MRTFB: variants seen among roughly 807,000 people sequenced by gnomAD.
The protein encoded by MRTFB is myocardin related transcription factor B, also known as myocardin-related transcription factor B.
MRTFB carries 29 observed loss-of-function variants against 104.2 expected under a neutral mutation model. The observed-to-expected ratio is 0.28, with a 90% CI of 0.21 to 0.38. The LOEUF is 0.38. Ranked by LOEUF, MRTFB falls within the 10% of genes least tolerant of loss-of-function variation. MRTFB has a pLI of 1.00. For missense variants in MRTFB, 1,270 were observed against 1,341.6 expected (o/e 0.95, Z 0.83); for synonymous variants, 535 against 519.5 (o/e 1.03, Z -0.41).
chr16:14,250,735 T>C (rs1784061657), intron 13 of MRTFB, among the ~76,000 whole-genome samples: 2 of 152,148 alleles, frequency 1.3e-5, no homozygotes, highest in Non-Finnish European at 2.9e-5. Context: ...AGGGGGTCTA[T>C]GCCGCAAGGC....
intron 2 of MRTFB, among the ~76,000 whole-genome samples, chr16:14,083,969 A>G (rs990246879): frequency 2.6e-5 from 4 of 152,200 alleles, no homozygotes; most frequent in African/African-American, 9.7e-5. Flanking sequence ...TAGGTTTTCA[A>G]AGACCTCCAA....
chr16:14,090,169 GT>G (rs1218736594), intron 2 of MRTFB, among the ~76,000 whole-genome samples: 1 of 151,966 alleles, frequency 6.6e-6, no homozygotes, highest in African/African-American at 2.4e-5. Context: ...TTTCCAATTT[GT>G]TTTGGTTGCT....
intron 13 of MRTFB, among the ~76,000 whole-genome samples, chr16:14,249,306 G>A (rs538903255): frequency 4.6e-5 from 7 of 152,280 alleles, no homozygotes; most frequent in South Asian, 2.1e-4. Flanking sequence ...GCTCGCCTTC[G>A]CAGTTAACCC....
rs1407549873 is a variant in MRTFB at position 14,246,664 on chromosome 16, A to C, written c.1404A>C (p.Thr468=). 1.2e-6 allele frequency: 2 copies of C among 1,614,082 alleles called. No homozygotes were observed. The highest frequency in any genetic ancestry group is 2.7e-5 in the African/African-American group (2 of 74,924). ...NPEVTVALPV[T]TLHNTVTSSV... is the part of the protein sequence containing the mutation. The stretch of plus-strand genomic sequence containing the variant: ...AAGTCACTGTGGCCTTGCCGGTTAC[A>C]ACACTACACAACACTGTGACTAGCT... The change falls in exon 12 of 17, where the codon ACA becomes ACC. Residue 468 remains threonine, a synonymous_variant. Coordinates refer to ENST00000571589, the MANE Select transcript of MRTFB (RefSeq NM_001308142.2).
chr16:14,251,376 C>CAAA lies in MRTFB; in HGVS notation c.2404-465_2404-463dup, dbSNP rs776143724. On this transcript the variant is annotated intron_variant, in intron 13 of 16. Transcript: ENST00000571589. ...TGGGTGACACAGCAAGACTCCGTCT[C>CAAA]AAAAAAAAAAAAAAAAAAAAAAAGA... Among the ~76,000 whole-genome samples the CAAA allele has an allele frequency of 1.7e-3, 77 of 44,566 alleles. 2 individuals carry two copies. Among genetic ancestry groups the CAAA allele is most frequent in the African/African-American group, 3.9e-3 (51 of 13,040 alleles). 29.2% of individuals were successfully genotyped at this position (44,566 alleles called of 152,430 possible). A position where few individuals can be genotyped will look rare whatever the true frequency, so the allele number is the denominator to read the frequency against.
At chr16:14,090,271 A>G (rs1440227534) in intron 2 of MRTFB, among the ~76,000 whole-genome samples, 7 of 152,244 alleles carry the variant, frequency 4.6e-5, no homozygotes, top group East Asian at 3.8e-4. Context: ...TAACTATACA[A>G]TGAGTAAGAG....
intron 2 of MRTFB, among the ~76,000 whole-genome samples, chr16:14,117,980 C>A (rs2036628955): frequency 6.6e-6 from 1 of 152,132 alleles, no homozygotes; most frequent in South Asian, 2.1e-4. Flanking sequence ...AATAATATAA[C>A]CTCCACCTAG....
chr16:14,238,170 A>G (rs907936203), intron 9 of MRTFB, among the ~76,000 whole-genome samples: 3 of 152,166 alleles, frequency 2.0e-5, no homozygotes, highest in Non-Finnish European at 4.4e-5. Flanking sequence ...TGCTAGGGGT[A>G]TCTAATGTGT....
At chr16:14,061,194 T>C in the MRTFB span, among the ~76,000 whole-genome samples, 337 of 152,234 alleles carry the variant, frequency 2.2e-3, 3 homozygotes, top group East Asian at 2.3e-3. Flanking sequence ...GCTCATTTTG[T>C]GCCCACAATG....
At chr16:14,136,661 A>C (rs578121698) in intron 2 of MRTFB, among the ~76,000 whole-genome samples, 25 of 152,350 alleles carry the variant, frequency 1.6e-4, no homozygotes, top group African/African-American at 5.8e-4. Context: ...ATATTTTAAA[A>C]TATAAGACAA....
chr16:14,175,983 A>G (rs888728700), intron 3 of MRTFB, among the ~76,000 whole-genome samples: 1 of 152,240 alleles, frequency 6.6e-6, no homozygotes, highest in African/African-American at 2.4e-5. Context: ...TAAATCTTTT[A>G]GGAATGATGA....
chr16:14,144,381 C>T (rs1288116951), intron 3 of MRTFB: 1 of 152,134 alleles, frequency 6.6e-6, no homozygotes, highest in East Asian at 1.9e-4. Flanking sequence ...GCATAAAAGG[C>T]ATCCTTATTT....
intron 2 of MRTFB, among the ~76,000 whole-genome samples, chr16:14,081,273 T>C (rs1324917194): frequency 6.6e-6 from 1 of 151,004 alleles, no homozygotes; most frequent in Admixed American, 6.6e-5. Flanking sequence ...ATGTATTTGC[T>C]GGCTATTCGT....
intron 1 of MRTFB, among the ~76,000 whole-genome samples, chr16:14,078,728 C>A (rs1450577683): frequency 2.6e-5 from 4 of 151,770 alleles, no homozygotes; most frequent in Admixed American, 6.6e-5. Context: ...CTGTGCCCAG[C>A]CAATTAATAA....
At chr16:13,994,809 TA>T in the MRTFB span, among the ~76,000 whole-genome samples, 1 of 152,176 alleles carries the variant, frequency 6.6e-6, no homozygotes, top group South Asian at 2.1e-4. Context: ...TAAGAATAAG[TA>T]ATGAACTCAT....
At chr16:14,216,990 T>C in intron 6 of MRTFB, 136 bp from the exon 7 acceptor site, 2 of 856,778 alleles carry the variant, frequency 2.3e-6, no homozygotes, top group Non-Finnish European at 3.3e-6. Flanking sequence ...AAACAGTCAT[T>C]TTCTCTTTCC....
chr16:14,241,177 G>GA (rs996647141), intron 10 of MRTFB: 1 of 173,970 alleles, frequency 5.7e-6, no homozygotes, highest in African/African-American at 2.4e-5. Context: ...CAAAATATAA[G>GA]AAAAAACAGC....
intron 3 of MRTFB, among the ~76,000 whole-genome samples, chr16:14,209,132 G>A (rs2041077964): frequency 6.6e-6 from 1 of 152,188 alleles, no homozygotes; most frequent in Non-Finnish European, 1.5e-5. Context: ...TGAAAAACAA[G>A]GGATGGAGGC....
rs144775119 is a variant in MRTFB, at chr16:14,128,350, G to A, written c.-63-12194G>A. Among the ~76,000 whole-genome samples the A allele has an allele frequency of 1.5e-3, 231 of 152,250 alleles. 1 individual carries two copies. The highest frequency in any genetic ancestry group is 5.2e-3 in the African/African-American group (217 of 41,546). On this transcript the variant is annotated intron_variant, in intron 2 of 16. Coordinates refer to ENST00000571589, the MANE Select transcript of MRTFB (RefSeq NM_001308142.2). ...TAACACAGGCCCAGTTGAAGGGTTC[G>A]TGGTCTCGACCAGTTGGAACTGGGC... is the stretch of plus-strand genomic sequence containing the variant.
Sources: allele counts gnomAD v4.1 joint callset (sites outside exome capture counted in the v4.1 genomes callset), GRCh38; gene constraint gnomAD v4.1.1; transcripts MANE v1.5; gene names NCBI Gene and HGNC (gene_info 2026-07-23, HGNC 2026-07-21).